The following NTM variants were observed in gnomAD, a reference collection of about 807,000 sequenced individuals.
The protein encoded by NTM is neurotrimin, also known as IgLON family member 2.
NTM carries 13 observed loss-of-function variants against 42.1 expected under a neutral mutation model. That is an observed-to-expected ratio of 0.31 (90% CI 0.20 to 0.49). The LOEUF is 0.49. Among genes scored for constraint, NTM ranks in the 20% least tolerant of loss-of-function variants. NTM has a pLI of 0.99. For synonymous variants in NTM, 187 were observed against 179.2 expected (o/e 1.04, Z -0.35); for missense variants, 373 against 452.8 (o/e 0.82, Z 1.60).
chr11:131,427,476 C>T (rs80047644), intron 1 of NTM, among the ~76,000 whole-genome samples: 15,962 of 152,140 alleles, frequency 0.1, 908 homozygotes, highest in South Asian at 0.15. Context: ...CTACACTCTC[C>T]AGAAAACCAC....
intron 4 of NTM, among the ~76,000 whole-genome samples, chr11:132,285,828 G>A (rs2139917821): frequency 6.6e-6 from 1 of 152,272 alleles, no homozygotes; most frequent in Admixed American, 6.5e-5. Flanking sequence ...CTTGACAGAT[G>A]AGTCTCACTC....
At chr11:131,632,037 T>A (rs1447121365) in intron 1 of NTM, among the ~76,000 whole-genome samples, 1 of 152,204 alleles carries the variant, frequency 6.6e-6, no homozygotes, top group Non-Finnish European at 1.5e-5. Flanking sequence ...CCCATTATTC[T>A]GAAACAATTT....
At chr11:131,523,929 T>G (rs1402048260) in intron 1 of NTM, among the ~76,000 whole-genome samples, 1 of 151,920 alleles carries the variant, frequency 6.6e-6, no homozygotes, top group Non-Finnish European at 1.5e-5. Context: ...CTGAACAGGG[T>G]AGCATAGCTG....
chr11:131,861,422 T>C (rs2136959253), intron 1 of NTM, among the ~76,000 whole-genome samples: 1 of 152,304 alleles, frequency 6.6e-6, no homozygotes, highest in Non-Finnish European at 1.5e-5. Flanking sequence ...ATCTCTTTCC[T>C]GCCGTAAATC....
chr11:132,089,574 A>T (rs909456314), intron 2 of NTM, among the ~76,000 whole-genome samples: 2 of 152,258 alleles, frequency 1.3e-5, no homozygotes, highest in Admixed American at 6.5e-5. Context: ...AAAAAGATGA[A>T]TTTTTTCATA....
At chr11:131,855,770 T>G (rs765395283) in intron 1 of NTM, among the ~76,000 whole-genome samples, 10 of 152,108 alleles carry the variant, frequency 6.6e-5, no homozygotes, top group Non-Finnish European at 1.5e-4. Context: ...CTGTCTTGTT[T>G]GCAGCCCTAG....
chr11:132,040,732 T>A (rs970345399), intron 2 of NTM, among the ~76,000 whole-genome samples: 1 of 152,218 alleles, frequency 6.6e-6, no homozygotes, highest in Non-Finnish European at 1.5e-5. Flanking sequence ...TCTGCTCTCC[T>A]GTTTTTTAAC....
At chr11:131,977,301 C>A (rs2064549373) in intron 2 of NTM, among the ~76,000 whole-genome samples, 1 of 152,228 alleles carries the variant, frequency 6.6e-6, no homozygotes, top group Admixed American at 6.5e-5. Context: ...GCTGTCACCC[C>A]ACGTGTTGTA....
intron 4 of NTM, among the ~76,000 whole-genome samples, chr11:132,300,220 ATCATGTGTATTAAAAATGTGATAAAG>A (rs1248598779): frequency 6.6e-6 from 1 of 152,178 alleles, no homozygotes. Flanking sequence ...TGTATCAAGG[ATCATGTGTATTAAAAATGTGATAAAG>A]CCTAATTAGG....
intron 3 of NTM, among the ~76,000 whole-genome samples, chr11:132,189,675 C>T (rs1017696915): frequency 6.6e-6 from 1 of 151,682 alleles, no homozygotes; most frequent in African/African-American, 2.4e-5. Context: ...CACAGACACA[C>T]ACGATACTTG....
chr11:131,928,210 A>G (rs10894474), intron 2 of NTM, among the ~76,000 whole-genome samples: 6,015 of 151,946 alleles, frequency 0.04, 398 homozygotes, highest in African/African-American at 0.14. Context: ...GGGTTACCCA[A>G]TGGTCTACCC....
intron 2 of NTM, among the ~76,000 whole-genome samples, chr11:132,013,643 A>G (rs1409565139): frequency 6.6e-6 from 1 of 152,158 alleles, no homozygotes; most frequent in Non-Finnish European, 1.5e-5. Flanking sequence ...AGATCTGATG[A>G]AGAGTTCAGC....
chr11:131,934,284 T>C (rs2058975730), intron 2 of NTM, among the ~76,000 whole-genome samples: 2 of 152,076 alleles, frequency 1.3e-5, no homozygotes, highest in East Asian at 1.9e-4. Context: ...TATCACAGAG[T>C]AATATATGGA....
At chr11:131,428,062 G>T (rs981318333) in intron 1 of NTM, among the ~76,000 whole-genome samples, 1 of 152,108 alleles carries the variant, frequency 6.6e-6, no homozygotes, top group Non-Finnish European at 1.5e-5. Flanking sequence ...TCTCCCCTGG[G>T]ATCGAGGTTC....
chr11:131,739,752 G>A (rs915384808), intron 1 of NTM, among the ~76,000 whole-genome samples: 3 of 152,218 alleles, frequency 2.0e-5, no homozygotes, highest in Non-Finnish European at 4.4e-5. Context: ...GGACATTCCA[G>A]TGTCACACAA....
chr11:131,943,603 C>G (rs901891937), intron 2 of NTM, among the ~76,000 whole-genome samples: 6 of 152,194 alleles, frequency 3.9e-5, no homozygotes, highest in African/African-American at 1.4e-4. Context: ...TTCTCCGGCT[C>G]GTTTTTTCCC....
At position 131,770,565 on chromosome 11, in the gene NTM, A is replaced by T. The variant is rs185917259; in HGVS notation, c.83-140999A>T. Among the ~76,000 whole-genome samples the T allele has an allele frequency of 1.4e-4, 21 of 152,240 alleles. 1 individual carries two copies. Among genetic ancestry groups the T allele is most frequent in the South Asian group, 8.3e-4 (4 of 4,816 alleles). On this transcript the variant is annotated intron_variant, in intron 1 of 8. Transcript: ENST00000683400. Reference sequence around the variant, plus strand: ...ATGACCACTTCAGAGCCTTGCCTTCACTGAGTTATAAAATTTTTTTAATAA... The same window carrying T: ...ATGACCACTTCAGAGCCTTGCCTTCTCTGAGTTATAAAATTTTTTTAATAA...
In NTM at chr11:131,529,212, C is replaced by T. The variant is rs375316709; in HGVS notation, c.82+158324C>T. On this transcript the variant is annotated intron_variant, in intron 1 of 8. Transcript: ENST00000683400. ...TTGACATCCTGCCACAGTTTACCCA[C>T]CCATCTGCCCATAAGGGCTGGTCCC... Among the ~76,000 whole-genome samples, 4 of 152,360 alleles carry T rather than the reference C, an allele frequency of 2.6e-5. No homozygotes were observed. The South Asian group carries it at 8.3e-4, about 32-fold the overall frequency.
chr11:131,889,979 A>G (rs753984584), intron 1 of NTM, among the ~76,000 whole-genome samples: 1 of 151,962 alleles, frequency 6.6e-6, no homozygotes, highest in Non-Finnish European at 1.5e-5. Context: ...TCAAAGTCTC[A>G]TTTCTCTTGT....
Sources: allele counts gnomAD v4.1 joint callset (sites outside exome capture counted in the v4.1 genomes callset), GRCh38; gene constraint gnomAD v4.1.1; transcripts MANE v1.5; gene names NCBI Gene and HGNC (gene_info 2026-07-23, HGNC 2026-07-21).